Variants in CUBN observed in about 807,000 individuals in gnomAD.
CUBN encodes the protein cubilin.
A neutral mutation model predicts 405.3 loss-of-function variants in CUBN; 282 were observed. That is an observed-to-expected ratio of 0.70 (90% CI 0.63 to 0.77). The LOEUF (loss-of-function observed/expected upper bound fraction) is 0.77, where lower values mean the gene tolerates loss of function less well. Ranked by LOEUF, CUBN falls within the 30% of genes least tolerant of loss-of-function variation. CUBN has a pLI of 0.00. For synonymous variants in CUBN, 1,684 were observed against 1,617.0 expected, an observed-to-expected ratio of 1.04 and a Z score of -0.99; for missense variants, 4,514 against 4,475.2, an observed-to-expected ratio of 1.01 and a Z score of -0.25.
At chr10:16,871,839 C>A (rs1840362432) in intron 58 of CUBN, among the ~76,000 whole-genome samples, 1 of 152,126 alleles carries the variant, frequency 6.6e-6, no homozygotes, top group African/African-American at 2.4e-5. Context: ...TTTTGAGAGC[C>A]TTTTATTAAT....
intron 22 of CUBN, among the ~76,000 whole-genome samples, chr10:17,063,976 G>A (rs977144736): frequency 6.6e-6 from 1 of 152,156 alleles, no homozygotes; most frequent in Non-Finnish European, 1.5e-5. Context: ...AAACATACCA[G>A]ACAGATAAAA....
In CUBN at chr10:16,925,225, C is replaced by T; in HGVS notation, c.6646+16G>A. On this transcript the variant is annotated intron_variant, in intron 43 of 66. Transcript: ENST00000377833. ...TTGCAGGAAAAGCAGATATAATTCT[C>T]AGTGAAAATACTTACCTAAACTCTT... is the stretch of plus-strand genomic sequence containing the variant. The T allele has an allele frequency of 1.2e-6, 2 of 1,600,332 alleles. No homozygotes were observed. The highest frequency in any genetic ancestry group is 2.2e-5 in the South Asian group (2 of 90,722).
At chr10:17,062,349 A>G (rs543927709) in intron 22 of CUBN, among the ~76,000 whole-genome samples, 1 of 152,354 alleles carries the variant, frequency 6.6e-6, no homozygotes, top group Admixed American at 6.5e-5. Context: ...CCCTCTTAGC[A>G]GGATTATATA....
chr10:16,995,970 T>C (rs970008165), intron 28 of CUBN, among the ~76,000 whole-genome samples: 1 of 152,146 alleles, frequency 6.6e-6, no homozygotes, highest in South Asian at 2.1e-4. Context: ...TCATATCACT[T>C]AGTGAATGGC....
Position 16,984,293 on chromosome 10 carries a change from T to A in CUBN, c.4351-14A>T. On this transcript the variant is annotated splice_polypyrimidine_tract_variant and intron_variant, in intron 29 of 66. Transcript: ENST00000377833. ...GCCTCCATAGATCTAACATGGGATG[T>A]AGGAAAAAAGACTTTAAAAAATATT... 2 of 1,613,106 alleles carry A rather than the reference T, an allele frequency of 1.2e-6. No homozygotes were observed. The highest frequency in any genetic ancestry group is 1.7e-6 in the Non-Finnish European group (2 of 1,179,122).
chr10:16,991,257 G>A (rs1052421579), intron 28 of CUBN, among the ~76,000 whole-genome samples: 1 of 152,192 alleles, frequency 6.6e-6, no homozygotes, highest in Non-Finnish European at 1.5e-5. Flanking sequence ...GGCTTTCCAT[G>A]TGTTTTCTGT....
chr10:16,911,068 G>C (rs1360762541), intron 48 of CUBN, among the ~76,000 whole-genome samples: 4 of 152,130 alleles, frequency 2.6e-5, no homozygotes, highest in Non-Finnish European at 5.9e-5. Context: ...ACGTACAAAG[G>C]CTCAAGGAAG....
chr10:17,030,736 TG>T (rs1834769281), intron 27 of CUBN, among the ~76,000 whole-genome samples: 1 of 152,050 alleles, frequency 6.6e-6, no homozygotes, highest in African/African-American at 2.4e-5. Context: ...CTGACCAACA[TG>T]GTGAAACCCC....
At chr10:17,110,221 T>G (rs538451424) in intron 9 of CUBN, among the ~76,000 whole-genome samples, 2 of 152,280 alleles carry the variant, frequency 1.3e-5, no homozygotes, top group East Asian at 3.9e-4. Context: ...AACCAACAAT[T>G]ACGATATATG....
intron 28 of CUBN, among the ~76,000 whole-genome samples, chr10:16,991,935 T>C (rs1436823927): frequency 6.6e-6 from 1 of 152,186 alleles, no homozygotes; most frequent in Admixed American, 6.5e-5. Context: ...TAAAGACACA[T>C]GCACATGTAT....
intron 31 of CUBN, among the ~76,000 whole-genome samples, chr10:16,969,826 A>T (rs986000189): frequency 1.3e-5 from 2 of 152,166 alleles, no homozygotes; most frequent in African/African-American, 4.8e-5. Context: ...CCAGAAGAGT[A>T]TGGGGATAGT....
intron 17 of CUBN, among the ~76,000 whole-genome samples, chr10:17,073,131 ATAGAT>A (rs1464470936): frequency 2.6e-5 from 4 of 152,176 alleles, no homozygotes; most frequent in African/African-American, 9.6e-5. Flanking sequence ...AAATCCCAAC[ATAGAT>A]TATAGAAATA....
intron 50 of CUBN, among the ~76,000 whole-genome samples, chr10:16,904,698 A>G (rs554848645): frequency 6.6e-6 from 1 of 152,302 alleles, no homozygotes; most frequent in East Asian, 1.9e-4. Flanking sequence ...ATTCTGTCAG[A>G]TAAACATCAC....
intron 22 of CUBN, among the ~76,000 whole-genome samples, chr10:17,056,175 G>C (rs80187715): frequency 0.021 from 3,201 of 152,086 alleles, 64 homozygotes; most frequent in East Asian, 0.066. Flanking sequence ...TGGGAGTGGG[G>C]GTGAAGGAGA....
chr10:16,888,688 G>T, intron 55 of CUBN, 122 bp from the exon 56 acceptor site: 1 of 829,602 alleles, frequency 1.2e-6, no homozygotes, highest in Non-Finnish European at 2.1e-6. Context: ...TATTCCAAAT[G>T]GAAGAAGCAA....
At chr10:16,870,446 G>T (rs1840317883) in intron 58 of CUBN, among the ~76,000 whole-genome samples, 1 of 152,174 alleles carries the variant, frequency 6.6e-6, no homozygotes, top group South Asian at 2.1e-4. Context: ...TTCTGCACAT[G>T]GTCCCAGCTC....
intron 61 of CUBN, 97 bp from the exon 62 acceptor site, chr10:16,840,632 G>A: frequency 9.4e-7 from 1 of 1,059,744 alleles, no homozygotes; most frequent in Non-Finnish European, 1.4e-6. Context: ...CCACCCCGGA[G>A]GAGCTATATT....
At chr10:17,032,024 G>A (rs1301531031) in intron 27 of CUBN, among the ~76,000 whole-genome samples, 1 of 152,212 alleles carries the variant, frequency 6.6e-6, no homozygotes, top group Non-Finnish European at 1.5e-5. Context: ...GAACTCGGAA[G>A]AGAAAGAAAA....
chr10:16,930,572 A>T (rs1842333685), intron 40 of CUBN, among the ~76,000 whole-genome samples: 1 of 152,206 alleles, frequency 6.6e-6, no homozygotes, highest in South Asian at 2.1e-4. Context: ...TTTCTTTTCT[A>T]TTTAAAAGTT....
Sources: allele counts gnomAD v4.1 joint callset (sites outside exome capture counted in the v4.1 genomes callset), GRCh38; gene constraint gnomAD v4.1.1; transcripts MANE v1.5; gene names NCBI Gene and HGNC (gene_info 2026-07-23, HGNC 2026-07-21).